AGAP1: variants seen among roughly 807,000 people sequenced by gnomAD.
AGAP1 encodes the protein arf-GAP with GTPase, ANK repeat and PH domain-containing protein 1.
In AGAP1, 29 loss-of-function variants were observed where a neutral mutation model predicts 105.3. The ratio of observed to expected loss-of-function variants is 0.28; its 90% CI spans 0.21 to 0.38. AGAP1 has a LOEUF of 0.38. Ranked by LOEUF, AGAP1 falls within the 10% of genes least tolerant of loss-of-function variation. AGAP1 has a pLI of 1.00. For missense variants in AGAP1, 998 were observed against 1,165.1 expected (o/e 0.86, Z 2.09); for synonymous variants, 509 against 485.9 (o/e 1.05, Z -0.63).
chr2:235,564,284 G>A (rs1003776884), intron 1 of AGAP1, among the ~76,000 whole-genome samples: 2 of 152,104 alleles, frequency 1.3e-5, no homozygotes, highest in African/African-American at 4.8e-5. Flanking sequence ...GCCTTGCTTT[G>A]GAGCAGTCAG....
intron 11 of AGAP1, among the ~76,000 whole-genome samples, chr2:235,913,684 G>A (rs2125067582): frequency 6.6e-6 from 1 of 152,174 alleles, no homozygotes; most frequent in Non-Finnish European, 1.5e-5. Flanking sequence ...ACTGCTGCCT[G>A]CTTATTTTTC....
chr2:235,883,230 C>G lies in AGAP1; in HGVS notation c.1051-115C>G. On this transcript the variant is annotated intron_variant, in intron 9 of 17. Transcript: ENST00000304032. The surrounding 1 kb of genome is among the most constrained non-coding windows in gnomAD (Gnocchi z 4.5). The stretch of plus-strand genomic sequence containing the variant: ...CATATCTTTTAGCATTCGCCAGTAT[C>G]ACAGAGTGAAGTTCTGCACACACAC... 1.3e-6 allele frequency: 1 copy of G among 797,920 alleles called. No homozygotes were observed. Among genetic ancestry groups the G allele is most frequent in the Non-Finnish European group, 2.1e-6 (1 of 480,268 alleles). The allele number at this position is 797,920 out of a possible 1,614,324, so 49.4% of individuals were successfully genotyped here.
chr2:235,980,917 A>T (rs2055065092), intron 13 of AGAP1, among the ~76,000 whole-genome samples: 1 of 152,214 alleles, frequency 6.6e-6, no homozygotes, highest in South Asian at 2.1e-4. Flanking sequence ...CTCTTAAGAA[A>T]ATCAGACAAT....
Position 236,044,064 on chromosome 2 carries a change from C to T in AGAP1, c.1891+3223C>T, listed in dbSNP as rs111617554. Among the ~76,000 whole-genome samples, 190 of 152,258 alleles carry T rather than the reference C, an allele frequency of 1.2e-3. 2 individuals are homozygous for T. Among genetic ancestry groups the T allele is most frequent in the African/African-American group, 3.3e-3 (139 of 41,542 alleles). On this transcript the variant is annotated intron_variant, in intron 15 of 17. Coordinates refer to ENST00000304032, the MANE Select transcript of AGAP1 (RefSeq NM_001037131.3). This position sits in a 1 kb window ranked among gnomAD's most constrained non-coding sequence, Gnocchi z 5.7. ...CCCAGAGCACTGTTTCCAGAGTGGA[C>T]GCTGAGCCTCTGGAGCTTTGGGGGT...
Position 235,906,026 on chromosome 2 carries a change from T to A in AGAP1, c.1156-2712T>A, listed in dbSNP as rs1355798647. On this transcript the variant is annotated intron_variant, in intron 10 of 17. Coordinates refer to ENST00000304032, the MANE Select transcript of AGAP1 (RefSeq NM_001037131.3). This position sits in a 1 kb window ranked among gnomAD's most constrained non-coding sequence, Gnocchi z 5.3. ...GGGCTGGTGAAGTCAGATTTGTTGTTCCCAGCCCAGATACCACCCTCCCGT... is the reference window on the plus strand; with the variant it reads ...GGGCTGGTGAAGTCAGATTTGTTGTACCCAGCCCAGATACCACCCTCCCGT... Among the ~76,000 whole-genome samples the A allele has an allele frequency of 3.3e-5, 5 of 152,164 alleles. No homozygotes were observed. Among genetic ancestry groups the A allele is most frequent in the African/African-American group, 7.2e-5 (3 of 41,448 alleles).
At chr2:236,070,039 CA>C (rs762507838) in intron 16 of AGAP1, among the ~76,000 whole-genome samples, 4 of 152,272 alleles carry the variant, frequency 2.6e-5, no homozygotes, top group Non-Finnish European at 5.9e-5. Context: ...GGTCCACTGT[CA>C]GTGGCGCCTA....
In AGAP1 at chr2:235,792,962, G is replaced by T. The variant is rs982233101; in HGVS notation, c.674-4797G>T. ...GGCATGGGAAAAAGGACACCAGGAG[G>T]ATGCCAGGGAAGCACCCGCACTTCA... On this transcript the variant is annotated intron_variant, in intron 6 of 17. Transcript: ENST00000304032. The surrounding 1 kb of genome is among the most constrained non-coding windows in gnomAD (Gnocchi z 5.3). Among the ~76,000 whole-genome samples, 5 of 152,160 alleles carry T rather than the reference G, an allele frequency of 3.3e-5. No individual in the cohort carries two copies. Among genetic ancestry groups the T allele is most frequent in the African/African-American group, 1.2e-4 (5 of 41,452 alleles).
In AGAP1 at chr2:235,930,496, G is replaced by A. The variant is rs907992373; in HGVS notation, c.1325-269G>A. Among the ~76,000 whole-genome samples the A allele has an allele frequency of 2.6e-5, 4 of 152,184 alleles. No homozygotes were observed. Among genetic ancestry groups the A allele is most frequent in the African/African-American group, 4.8e-5 (2 of 41,444 alleles). On this transcript the variant is annotated intron_variant, in intron 11 of 17. Coordinates refer to ENST00000304032, the MANE Select transcript of AGAP1 (RefSeq NM_001037131.3). This position sits in a 1 kb window ranked among gnomAD's most constrained non-coding sequence, Gnocchi z 7.9. ...GATGTTGCGGTTGCGGTTGGGTTGC[G>A]TCTTTGTATAGGGTTGTTCGGTGCG...
At chr2:235,603,198 AC>A (rs1945792432) in intron 1 of AGAP1, among the ~76,000 whole-genome samples, 1 of 150,766 alleles carries the variant, frequency 6.6e-6, no homozygotes. Flanking sequence ...ATAAGGGGAA[AC>A]CCCTTTTGCT....
intron 1 of AGAP1, among the ~76,000 whole-genome samples, chr2:235,652,717 C>G (rs1328077964): frequency 1.3e-5 from 2 of 151,528 alleles, no homozygotes; most frequent in African/African-American, 4.9e-5. Context: ...CATGGTGAAA[C>G]CCCATCTCCC....
intron 6 of AGAP1, among the ~76,000 whole-genome samples, chr2:235,784,062 G>A (rs772331678): frequency 3.3e-5 from 5 of 152,228 alleles, no homozygotes; most frequent in Admixed American, 1.3e-4. Context: ...AAATGTAGCC[G>A]GAGTGGAAGG....
intron 6 of AGAP1, chr2:235,774,308 G>A (rs1457472617): frequency 6.4e-6 from 3 of 468,732 alleles, no homozygotes; most frequent in Non-Finnish European, 1.3e-5. Flanking sequence ...CACACCTGTC[G>A]CCAGCCCAGG....
chr2:235,732,017 T>C lies in AGAP1; in HGVS notation c.311-8946T>C, dbSNP rs536043321. On this transcript the variant is annotated intron_variant, in intron 3 of 17. Transcript: ENST00000304032. The surrounding 1 kb of genome is among the most constrained non-coding windows in gnomAD (Gnocchi z 4.8). ...CTCCAGCACAAAAACCTGTGTGCTG[T>C]TTTTCTGCAGACCTTGGTTTTCTCA... is the stretch of plus-strand genomic sequence containing the variant. 6.6e-6 allele frequency among the ~76,000 whole-genome samples: 1 copy of C among 152,240 alleles called. No homozygotes were observed. The highest frequency in any genetic ancestry group is 2.1e-4 in the South Asian group (1 of 4,816).
chr2:235,553,919 G>A lies in AGAP1; in HGVS notation c.163+59070G>A, dbSNP rs1943892719. 6.6e-6 allele frequency among the ~76,000 whole-genome samples: 1 copy of A among 152,236 alleles called. No homozygotes were observed. The highest frequency in any genetic ancestry group is 6.5e-5 in the Admixed American group (1 of 15,288). ...GCCTCCGCCTCCCACCCCACCCCGT[G>A]GTGCGGCGTGTGCCAAGACCAGCCC... is the stretch of plus-strand genomic sequence containing the variant. On this transcript the variant is annotated intron_variant, in intron 1 of 17. Coordinates refer to ENST00000304032, the MANE Select transcript of AGAP1 (RefSeq NM_001037131.3). The surrounding 1 kb of genome is among the most constrained non-coding windows in gnomAD (Gnocchi z 4.5).
At position 235,747,095 on chromosome 2, in the gene AGAP1, C is replaced by T. The variant is rs1198508746; in HGVS notation, c.538+2256C>T. On this transcript the variant is annotated intron_variant, in intron 5 of 17. Transcript: ENST00000304032. This position sits in a 1 kb window ranked among gnomAD's most constrained non-coding sequence, Gnocchi z 5.0. Reference sequence around the variant, plus strand: ...GTGATAGGCATCTTAACAATGGCTGCTTTTGTTCCTCATATTTCAATCTGC... The same window carrying T: ...GTGATAGGCATCTTAACAATGGCTGTTTTTGTTCCTCATATTTCAATCTGC... Among the ~76,000 whole-genome samples the T allele has an allele frequency of 6.6e-6, 1 of 152,086 alleles. No individual in the cohort carries two copies. Among genetic ancestry groups the T allele is most frequent in the Non-Finnish European group, 1.5e-5 (1 of 68,026 alleles).
chr2:236,087,669 G>A lies in AGAP1; in HGVS notation c.2115-32523G>A, dbSNP rs2058967180. On this transcript the variant is annotated intron_variant, in intron 16 of 17. Transcript: ENST00000304032. This position sits in a 1 kb window ranked among gnomAD's most constrained non-coding sequence, Gnocchi z 5.7. ...AAGCTTTTCTCTGTTTCCATGTGGT[G>A]CCGTGAATAGTCTCATAAGCCATGT... Among the ~76,000 whole-genome samples the A allele has an allele frequency of 6.6e-6, 1 of 151,952 alleles. No individual in the cohort carries two copies. The highest frequency in any genetic ancestry group is 1.5e-5 in the Non-Finnish European group (1 of 68,040).
chr2:235,783,600 C>A (rs76598383), intron 6 of AGAP1, among the ~76,000 whole-genome samples: 1 of 152,284 alleles, frequency 6.6e-6, no homozygotes, highest in Non-Finnish European at 1.5e-5. Context: ...ACCCACAAAA[C>A]ATTATGCTCT....
chr2:235,711,771 C>T (rs1475705553), intron 2 of AGAP1, among the ~76,000 whole-genome samples: 3 of 152,168 alleles, frequency 2.0e-5, no homozygotes, highest in Non-Finnish European at 2.9e-5. Context: ...CCTAGGCAGC[C>T]TCCAAGTGCC....
chr2:235,923,731 G>T (rs1344438140), intron 11 of AGAP1, among the ~76,000 whole-genome samples: 1 of 152,192 alleles, frequency 6.6e-6, no homozygotes, highest in Non-Finnish European at 1.5e-5. Context: ...TACCTACAGT[G>T]ATGGACAGTG....
Sources: allele counts gnomAD v4.1 joint callset (sites outside exome capture counted in the v4.1 genomes callset), GRCh38; gene constraint gnomAD v4.1.1; non-coding constraint Gnocchi (gnomAD v3.1); transcripts MANE v1.5; gene names NCBI Gene and HGNC (gene_info 2026-07-23, HGNC 2026-07-21).